The following ASPH variants were observed in gnomAD, a reference collection of about 807,000 sequenced individuals.
ASPH encodes the protein aspartyl/asparaginyl beta-hydroxylase.
Under a neutral mutation model 118.4 loss-of-function variants are expected in ASPH, and 100 were observed. That is an observed-to-expected ratio of 0.84 (90% CI 0.72 to 1.00). The LOEUF (loss-of-function observed/expected upper bound fraction) is 1.00. Ranked by LOEUF, ASPH falls within the 50% of genes least tolerant of loss-of-function variation. The pLI is 0.00. For missense variants in ASPH, 920 were observed against 919.5 expected (o/e 1.00, Z -0.01); for synonymous variants, 315 against 325.6 (o/e 0.97, Z 0.35).
rs544505917 is a variant in ASPH at position 61,553,501 on chromosome 8, T to C, written c.1537-381A>G. Among the ~76,000 whole-genome samples the C allele has an allele frequency of 2.0e-5, 3 of 152,344 alleles. No individual in the cohort carries two copies. In the South Asian group the frequency reaches 6.2e-4, roughly 32 times the overall value. ...ATGTCATCTAGAGGCTTTTTATTCC[T>C]AAACCAAAATGTTTAACTGCTCATG... is the stretch of plus-strand genomic sequence containing the variant. On this transcript the variant is annotated intron_variant, in intron 19 of 24. Transcript: ENST00000379454.
intron 21 of ASPH, among the ~76,000 whole-genome samples, chr8:61,532,153 C>T (rs1161311379): frequency 6.6e-6 from 1 of 152,194 alleles, no homozygotes; most frequent in African/African-American, 2.4e-5. Context: ...TTTCCACCAA[C>T]AGTGTACATG....
At chr8:61,574,172 G>A (rs1834356491) in intron 16 of ASPH, among the ~76,000 whole-genome samples, 1 of 152,170 alleles carries the variant, frequency 6.6e-6, no homozygotes, top group Admixed American at 6.5e-5. Context: ...CAGTTAGAAT[G>A]GCGATCATTA....
chr8:61,529,936 C>G (rs367685412), intron 21 of ASPH, among the ~76,000 whole-genome samples: 2 of 152,200 alleles, frequency 1.3e-5, no homozygotes, highest in East Asian at 3.9e-4. Context: ...AAAGCCCCAC[C>G]TCTTAATACT....
At chr8:61,606,253 C>G (rs1412398518) in intron 14 of ASPH, among the ~76,000 whole-genome samples, 2 of 152,194 alleles carry the variant, frequency 1.3e-5, no homozygotes, top group Non-Finnish European at 2.9e-5. Flanking sequence ...GCAATTAATG[C>G]TACTTCCACC....
chr8:61,644,643 A>G lies in ASPH; in HGVS notation c.620-11T>C. The G allele has an allele frequency of 6.3e-7, 1 of 1,584,340 alleles. No individual in the cohort carries two copies. Among genetic ancestry groups the G allele is most frequent in the South Asian group, 1.2e-5 (1 of 85,056 alleles). On this transcript the variant is annotated splice_polypyrimidine_tract_variant and intron_variant, in intron 6 of 24. Coordinates refer to ENST00000379454, the MANE Select transcript of ASPH (RefSeq NM_004318.4). ...AACTATGCTCGGTTTCTGGAAAAAA[A>G]AAAATTAGATTGATATTTACTGCTT...
At chr8:61,511,916 T>A (rs541223388) in intron 24 of ASPH, among the ~76,000 whole-genome samples, 151 of 152,252 alleles carry the variant, frequency 9.9e-4, no homozygotes, top group African/African-American at 3.4e-3. Flanking sequence ...AACGAGCTTA[T>A]TTTACAGACC....
intron 12 of ASPH, among the ~76,000 whole-genome samples, chr8:61,637,540 A>G (rs1245401992): frequency 3.3e-5 from 5 of 152,154 alleles, no homozygotes; most frequent in African/African-American, 7.2e-5. Flanking sequence ...CCACCAAAAA[A>G]AAAAAAATTT....
intron 1 of ASPH, among the ~76,000 whole-genome samples, chr8:61,708,564 A>C (rs1218008307): frequency 6.6e-6 from 1 of 152,246 alleles, no homozygotes; most frequent in Non-Finnish European, 1.5e-5. Context: ...AAGAAAAAGA[A>C]GTTACAGACA....
intron 1 of ASPH, among the ~76,000 whole-genome samples, chr8:61,704,683 C>G (rs1199466263): frequency 2.6e-5 from 4 of 152,066 alleles, no homozygotes; most frequent in Non-Finnish European, 1.5e-5. Flanking sequence ...AGAAACTTCA[C>G]TAAAGATAAT....
chr8:61,621,014 G>T (rs1453751912), intron 13 of ASPH, among the ~76,000 whole-genome samples: 1 of 152,172 alleles, frequency 6.6e-6, no homozygotes, highest in Admixed American at 6.5e-5. Flanking sequence ...TTAGACTCAC[G>T]TCCTCCCAGG....
intron 3 of ASPH, chr8:61,658,208 C>T (rs988619484): frequency 6.6e-6 from 1 of 152,186 alleles, no homozygotes; most frequent in Admixed American, 6.5e-5. Flanking sequence ...ACAGCAGTCT[C>T]GGAACTTACC....
Position 61,714,503 on chromosome 8 carries a change from C to T in ASPH, c.-132G>A, listed in dbSNP as rs1332135385. ...CGGGCCGCTGCTCCTGCAGCAGACC[C>T]TGTGCCTCAGCACCGCCTGCAGCAC... On this transcript the variant is annotated 5_prime_UTR_variant, in exon 1 of 25. Transcript: ENST00000379454. The T allele has an allele frequency of 1.5e-6, 2 of 1,290,638 alleles. No individual in the cohort carries two copies. The highest frequency in any genetic ancestry group is 1.6e-5 in the African/African-American group (1 of 63,594). The allele number at this position is 1,290,638 out of a possible 1,614,324, so 79.9% of individuals were successfully genotyped here. A position where few individuals can be genotyped will look rare whatever the true frequency, so the allele number is the denominator to read the frequency against.
At chr8:61,573,439 C>T (rs2131980092) in intron 16 of ASPH, among the ~76,000 whole-genome samples, 1 of 152,254 alleles carries the variant, frequency 6.6e-6, no homozygotes, top group South Asian at 2.1e-4. Context: ...AGCTTGGAGG[C>T]ATCACACTAC....
intron 13 of ASPH, chr8:61,626,251 T>C (rs745799012): frequency 3.9e-6 from 6 of 1,557,126 alleles, no homozygotes; most frequent in African/African-American, 1.4e-5. Context: ...CCTGTGGTGG[T>C]AGGGGCAGTC....
At chr8:61,551,045 T>C (rs1171453420) in intron 20 of ASPH, among the ~76,000 whole-genome samples, 1 of 152,170 alleles carries the variant, frequency 6.6e-6, no homozygotes, top group Non-Finnish European at 1.5e-5. Flanking sequence ...GTTGTCTCTG[T>C]GCCATCGTGT....
At chr8:61,585,542 C>G (rs1433618471) in intron 14 of ASPH, among the ~76,000 whole-genome samples, 1 of 152,170 alleles carries the variant, frequency 6.6e-6, no homozygotes, top group Admixed American at 6.5e-5. Flanking sequence ...CTGTCTTGTG[C>G]CTTCTGAATG....
intron 3 of ASPH, among the ~76,000 whole-genome samples, chr8:61,668,045 T>C (rs1047660268): frequency 2.0e-5 from 3 of 152,200 alleles, no homozygotes; most frequent in Non-Finnish European, 2.9e-5. Context: ...CTTAAAATTA[T>C]AGGCTTGAAG....
At chr8:61,564,743 T>C (rs16927536) in intron 17 of ASPH, among the ~76,000 whole-genome samples, 14,883 of 152,296 alleles carry the variant, frequency 0.098, 764 homozygotes, top group Non-Finnish European at 0.12. Flanking sequence ...GACCATTTCT[T>C]ATCATTTTTA....
At chr8:61,609,782 G>A (rs896032045) in intron 14 of ASPH, among the ~76,000 whole-genome samples, 3 of 152,164 alleles carry the variant, frequency 2.0e-5, no homozygotes, top group Non-Finnish European at 4.4e-5. Context: ...GCAGGGCTCA[G>A]ACTAAGGTAA....
Sources: gnomAD v4.1 joint callset for allele counts (sites outside exome capture counted in the v4.1 genomes callset) on GRCh38, gnomAD v4.1.1 for gene constraint, MANE v1.5 for transcripts, NCBI Gene and HGNC (gene_info 2026-07-23, HGNC 2026-07-21) for gene names.